The following NRXN1 variants were observed in gnomAD, a reference collection of about 807,000 sequenced individuals.
NRXN1 encodes the protein neurexin-1.
In NRXN1, 39 loss-of-function variants were observed where a neutral mutation model predicts 150.9. That is an observed-to-expected ratio of 0.26 (90% CI 0.20 to 0.34). NRXN1 has a LOEUF of 0.34. Ranked by LOEUF, NRXN1 falls within the 10% of genes least tolerant of loss-of-function variation. The pLI is 1.00. For missense variants in NRXN1, 1,815 were observed against 1,949.9 expected (o/e 0.93, Z 1.30); for synonymous variants, 924 against 757.0 (o/e 1.22, Z -3.62).
At chr2:50,647,006 T>C (rs868088688) in intron 5 of NRXN1, among the ~76,000 whole-genome samples, 4 of 151,522 alleles carry the variant, frequency 2.6e-5, no homozygotes, top group Middle Eastern at 6.8e-3. Flanking sequence ...TCAAGCATTA[T>C]ATTGTTTGAG....
chr2:50,638,139 T>C (rs954014356), intron 5 of NRXN1, among the ~76,000 whole-genome samples: 5 of 152,160 alleles, frequency 3.3e-5, no homozygotes, highest in African/African-American at 1.2e-4. Context: ...ACTGGGTCTC[T>C]AGATCAGTTG....
chr2:50,441,530 G>GTT (rs1468994954), intron 17 of NRXN1, among the ~76,000 whole-genome samples: 1 of 152,102 alleles, frequency 6.6e-6, no homozygotes, highest in Non-Finnish European at 1.5e-5. Context: ...CTTTCCAGCA[G>GTT]TAGGTGGGAA....
intron 18 of NRXN1, among the ~76,000 whole-genome samples, chr2:50,191,246 G>C (rs1197662855): frequency 1.3e-5 from 2 of 149,994 alleles, no homozygotes; most frequent in Non-Finnish European, 3.0e-5. Context: ...CACTATGTTG[G>C]CCAGGCTGAT....
chr2:50,393,772 G>C (rs2081890147), intron 17 of NRXN1, among the ~76,000 whole-genome samples: 1 of 152,020 alleles, frequency 6.6e-6, no homozygotes, highest in Non-Finnish European at 1.5e-5. Flanking sequence ...CAAAATTACT[G>C]CTCACTTGCT....
chr2:50,669,226 C>T (rs1046700593), intron 5 of NRXN1, among the ~76,000 whole-genome samples: 1 of 151,818 alleles, frequency 6.6e-6, no homozygotes, highest in Non-Finnish European at 1.5e-5. Flanking sequence ...AGGCATGGGA[C>T]CTGGAACATG....
At chr2:50,960,676 G>C (rs571514972) in intron 2 of NRXN1, among the ~76,000 whole-genome samples, 19 of 151,982 alleles carry the variant, frequency 1.3e-4, no homozygotes, top group African/African-American at 4.3e-4. Flanking sequence ...ACTTGCAGAA[G>C]CTCTCTGCCA....
chr2:50,198,498 C>T (rs4971659), intron 18 of NRXN1, among the ~76,000 whole-genome samples: 35,155 of 151,994 alleles, frequency 0.23, 4,918 homozygotes, highest in East Asian at 0.4. Context: ...CCCAACCTCT[C>T]GAATGCCCAT....
At chr2:50,297,772 TGAGTA>T (rs1293944965) in intron 17 of NRXN1, among the ~76,000 whole-genome samples, 8 of 152,156 alleles carry the variant, frequency 5.3e-5, no homozygotes, top group Non-Finnish European at 1.2e-4. Context: ...AATGTGCAGC[TGAGTA>T]GAGAAGAGAG....
At chr2:49,931,237 T>C (rs993401204) in intron 22 of NRXN1, among the ~76,000 whole-genome samples, 1 of 152,190 alleles carries the variant, frequency 6.6e-6, no homozygotes, top group African/African-American at 2.4e-5. Context: ...CCCTCAACCT[T>C]TGTAATATCT....
chr2:50,424,370 A>T (rs1032241036), intron 17 of NRXN1, among the ~76,000 whole-genome samples: 1 of 150,088 alleles, frequency 6.7e-6, no homozygotes, highest in Non-Finnish European at 1.5e-5. Flanking sequence ...GAGAGAAACA[A>T]GATAGGGATT....
At chr2:50,757,320 G>C (rs1701257085) in intron 5 of NRXN1, among the ~76,000 whole-genome samples, 1 of 151,754 alleles carries the variant, frequency 6.6e-6, no homozygotes, top group Non-Finnish European at 1.5e-5. Context: ...AAAAAAGTAA[G>C]AGTGTAGGAA....
At chr2:50,730,217 G>T (rs1029034871) in intron 5 of NRXN1, among the ~76,000 whole-genome samples, 2 of 152,074 alleles carry the variant, frequency 1.3e-5, no homozygotes, top group Non-Finnish European at 2.9e-5. Flanking sequence ...TCAACTCAGA[G>T]AAATGCTTTT....
chr2:50,942,251 T>G (rs192491294), intron 2 of NRXN1, among the ~76,000 whole-genome samples: 4 of 152,220 alleles, frequency 2.6e-5, no homozygotes, highest in Admixed American at 2.0e-4. Context: ...CAGGCAGAAA[T>G]CTACTGTGGG....
chr2:51,010,372 C>G (rs778569268), intron 2 of NRXN1, among the ~76,000 whole-genome samples: 1 of 151,982 alleles, frequency 6.6e-6, no homozygotes, highest in Non-Finnish European at 1.5e-5. Context: ...ATGTATTTGA[C>G]ATTTATTTAT....
At chr2:50,481,276 A>G (rs1389272636) in intron 15 of NRXN1, among the ~76,000 whole-genome samples, 4 of 152,190 alleles carry the variant, frequency 2.6e-5, no homozygotes, top group Non-Finnish European at 5.9e-5. Flanking sequence ...CTAGTTGATA[A>G]AAGTAATGGT....
intron 5 of NRXN1, among the ~76,000 whole-genome samples, chr2:50,859,838 TTGTGTGTGTG>T (rs58904379): frequency 2.3e-4 from 34 of 147,672 alleles, no homozygotes; most frequent in East Asian, 4.1e-4. Flanking sequence ...ACAATTATGT[TTGTGTGTGTG>T]TGTGTGTGTG....
chr2:49,976,101 C>A (rs531824736), intron 21 of NRXN1, among the ~76,000 whole-genome samples: 1 of 146,964 alleles, frequency 6.8e-6, no homozygotes, highest in East Asian at 2.0e-4. Flanking sequence ...AGACTCACTG[C>A]AACCTCTGCC....
At chr2:50,938,773 C>T (rs1307700504) in intron 2 of NRXN1, among the ~76,000 whole-genome samples, 1 of 152,072 alleles carries the variant, frequency 6.6e-6, no homozygotes, top group African/African-American at 2.4e-5. Context: ...GAATGAATGA[C>T]CCAATGGTAA....
intron 2 of NRXN1, among the ~76,000 whole-genome samples, chr2:50,953,057 G>A (rs1332006517): frequency 6.6e-6 from 1 of 152,196 alleles, no homozygotes; most frequent in Non-Finnish European, 1.5e-5. Flanking sequence ...GCAAGAAAGG[G>A]CAGGTGAATG....
Sources: gnomAD v4.1 joint callset for allele counts (sites outside exome capture counted in the v4.1 genomes callset) on GRCh38, gnomAD v4.1.1 for gene constraint, MANE v1.5 for transcripts, NCBI Gene and HGNC (gene_info 2026-07-23, HGNC 2026-07-21) for gene names.